Variants in CDK5 observed in about 807,000 individuals in gnomAD.
CDK5 encodes the protein cyclin-dependent kinase 5.
Under a neutral mutation model 44.6 loss-of-function variants are expected in CDK5, and 18 were observed. The observed-to-expected ratio is 0.40, with a 90% CI of 0.28 to 0.60. CDK5 has a LOEUF of 0.60. Ranked by LOEUF, CDK5 falls within the 20% of genes least tolerant of loss-of-function variation. The probability of loss-of-function intolerance (pLI) is 0.38; values close to 1 mark genes in which losing one functional copy is unlikely to be tolerated. For missense variants in CDK5, 198 were observed against 368.1 expected, an observed-to-expected ratio of 0.54 and a Z score of 3.78; for synonymous variants, 143 against 152.8, an observed-to-expected ratio of 0.94 and a Z score of 0.47.
Position 151,057,123 on chromosome 7 carries a change from C to T in CDK5, c.75G>A (p.Glu25=), listed in dbSNP as rs765078681. ...GTTTCAGAGCCACGATCTCATGAGT[C>T]TCCCGGTTTTTGGCCTTGAACACAG... The part of the protein sequence containing the change: ...YGTVFKAKNR[E]THEIVALKRV... Residue 25 remains glutamate, a synonymous_variant, in exon 2 of 12, where the codon GAG becomes GAA. Transcript: ENST00000485972. This position sits in a 1 kb window ranked among gnomAD's most constrained non-coding sequence, Gnocchi z 5.2. The T allele has an allele frequency of 8.7e-6, 14 of 1,613,888 alleles. No individual in the cohort carries two copies. The African/African-American group carries it at 1.6e-4, about 18-fold the overall frequency.
Position 151,054,525 on chromosome 7 carries a change from G to T in CDK5, c.651-60C>A. ...CCACAGCTGCATCTTCAGGGGCAGG[G>T]TGAGGGCCTCTTCCCCTCCTGGGGA... On this transcript the variant is annotated intron_variant, in intron 9 of 11. Transcript: ENST00000485972. This position sits in a 1 kb window ranked among gnomAD's most constrained non-coding sequence, Gnocchi z 5.7. 6.7e-7 allele frequency: 1 copy of T among 1,500,444 alleles called. No homozygotes were observed. The highest frequency in any genetic ancestry group is 9.2e-7 in the Non-Finnish European group (1 of 1,092,896). The allele number at this position is 1,500,444 out of a possible 1,614,324, so 92.9% of individuals were successfully genotyped here.
rs775198732 is a variant in CDK5, at chr7:151,053,959, G to C, written c.*50C>G. On this transcript the variant is annotated 3_prime_UTR_variant, in exon 12 of 12. Coordinates refer to ENST00000485972, the MANE Select transcript of CDK5 (RefSeq NM_004935.4). ...CCCCACTGTCTCACCCCTCTCAAGA[G>C]GGGGCTTAAATAGGCCAGGCCCCAG... 2 of 1,490,864 alleles carry C rather than the reference G, an allele frequency of 1.3e-6. No individual in the cohort carries two copies. Among genetic ancestry groups the C allele is most frequent in the African/African-American group, 1.4e-5 (1 of 72,064 alleles). 92.4% of individuals were successfully genotyped at this position (1,490,864 alleles called of 1,614,324 possible). A position where few individuals can be genotyped will look rare whatever the true frequency, so the allele number is the denominator to read the frequency against.
chr7:151,057,095 C>T lies in CDK5; in HGVS notation c.103G>A (p.Val35Met). ...ETHEIVALKR[V>M]RLDDDDEGVP... is the part of the protein sequence containing the mutation. ...ACCTCATCATCGTCATCCAGCCTCA[C>T]CCGTTTCAGAGCCACGATCTCATGA... Residue 35 changes from valine (V) to methionine (M), a missense_variant, in exon 2 of 12, where the codon GTG (valine) becomes ATG (methionine). By Grantham distance (21) the Val-to-Met change is conservative. Transcript: ENST00000485972. The surrounding 1 kb of genome is among the most constrained non-coding windows in gnomAD (Gnocchi z 5.2). 6.2e-7 allele frequency: 1 copy of T among 1,613,994 alleles called. No homozygotes were observed. The highest frequency in any genetic ancestry group is 8.5e-7 in the Non-Finnish European group (1 of 1,179,876).
At position 151,057,283 on chromosome 7, in the gene CDK5, T is replaced by C; in HGVS notation, c.38-123A>G. 1.2e-6 allele frequency: 1 copy of C among 818,408 alleles called. No homozygotes were observed. The highest frequency in any genetic ancestry group is 2.1e-6 in the Non-Finnish European group (1 of 468,184). 50.7% of individuals were successfully genotyped at this position (818,408 alleles called of 1,614,324 possible). On this transcript the variant is annotated intron_variant, in intron 1 of 11. Coordinates refer to ENST00000485972, the MANE Select transcript of CDK5 (RefSeq NM_004935.4). This position sits in a 1 kb window ranked among gnomAD's most constrained non-coding sequence, Gnocchi z 5.2. Reference sequence around the variant, plus strand: ...CAAGGGAAGGGATTCAGGGTGAAGGTAGGTTGGTGAGCTTTGTGAGTGAGG... The same window carrying C: ...CAAGGGAAGGGATTCAGGGTGAAGGCAGGTTGGTGAGCTTTGTGAGTGAGG...
rs923772177 is a variant in CDK5, at chr7:151,054,718, G to C, written c.651-253C>G. Among the ~76,000 whole-genome samples, 12 of 152,130 alleles carry C rather than the reference G, an allele frequency of 7.9e-5. No homozygotes were observed. Among genetic ancestry groups the C allele is most frequent in the Non-Finnish European group, 1.5e-4 (10 of 68,016 alleles). On this transcript the variant is annotated intron_variant, in intron 9 of 11. Coordinates refer to ENST00000485972, the MANE Select transcript of CDK5 (RefSeq NM_004935.4). The surrounding 1 kb of genome is among the most constrained non-coding windows in gnomAD (Gnocchi z 5.7). ...GTCCTAATGAAACAGTCCTTGCCCT[G>C]CTCCCACAAAATGTGTCCTGTTCTC...
Position 151,054,925 on chromosome 7 carries a change from C to A in CDK5, c.650+102G>T. ...GCCCTCAGGAGAAGCCCTACAGACC[C>A]CATCACCCTACCCCACACCATCACT... On this transcript the variant is annotated intron_variant, in intron 9 of 11. Transcript: ENST00000485972. The surrounding 1 kb of genome is among the most constrained non-coding windows in gnomAD (Gnocchi z 5.7). 8.5e-7 allele frequency: 1 copy of A among 1,171,564 alleles called. No homozygotes were observed. 72.6% of individuals were successfully genotyped at this position (1,171,564 alleles called of 1,614,324 possible). A position where few individuals can be genotyped will look rare whatever the true frequency, so the allele number is the denominator to read the frequency against.
At position 151,054,066 on chromosome 7, in the gene CDK5, A is replaced by G. The variant is rs1220125104; in HGVS notation, c.822T>C (p.Arg274=). ...GCTGCAGGGCCTCTTCTGCTGAGAT[A>G]CGCTGGACAGGGTTACACTTCAGAA... is the stretch of plus-strand genomic sequence containing the variant. ...QNLLKCNPVQ[R]ISAEEALQHP... is the part of the protein sequence containing the mutation. Residue 274 remains arginine (R), a synonymous_variant, in exon 12 of 12, where the codon CGT becomes CGC. Transcript: ENST00000485972. The surrounding 1 kb of genome is among the most constrained non-coding windows in gnomAD (Gnocchi z 5.7). The G allele has an allele frequency of 3.1e-6, 5 of 1,602,636 alleles. No homozygotes were observed. In the African/African-American group the frequency reaches 5.3e-5, roughly 17 times the overall value.
At position 151,057,556 on chromosome 7, in the gene CDK5, G is replaced by A. The variant is rs933265733; in HGVS notation, c.37+256C>T. 1 of 609,700 alleles carries A rather than the reference G, an allele frequency of 1.6e-6. No homozygotes were observed. Among genetic ancestry groups the A allele is most frequent in the Non-Finnish European group, 2.9e-6 (1 of 342,734 alleles). 37.8% of individuals were successfully genotyped at this position (609,700 alleles called of 1,614,324 possible). On this transcript the variant is annotated intron_variant, in intron 1 of 11. Transcript: ENST00000485972. The surrounding 1 kb of genome is among the most constrained non-coding windows in gnomAD (Gnocchi z 5.2). ...GTCCAAGTGCTGCTGAGGCTGGGGT[G>A]AGAAATTTCAGGAAGTGTCGCGGTT...
In CDK5 at chr7:151,056,192, A is replaced by C; in HGVS notation, c.313-344T>G. 1 of 503,014 alleles carries C rather than the reference A, an allele frequency of 2.0e-6. No individual in the cohort carries two copies. Among genetic ancestry groups the C allele is most frequent in the Non-Finnish European group, 3.6e-6 (1 of 279,770 alleles). The allele number at this position is 503,014 out of a possible 1,614,324, so 31.2% of individuals were successfully genotyped here. On this transcript the variant is annotated intron_variant, in intron 5 of 11. Transcript: ENST00000485972. This position sits in a 1 kb window ranked among gnomAD's most constrained non-coding sequence, Gnocchi z 4.7. ...GCACGCCGTGAACATCAACATAAAT[A>C]TCGTGCTGTAGTATCATTCAGGACT...
Position 151,057,534 on chromosome 7 carries a change from C to T in CDK5, c.37+278G>A. On this transcript the variant is annotated intron_variant, in intron 1 of 11. Transcript: ENST00000485972. This position sits in a 1 kb window ranked among gnomAD's most constrained non-coding sequence, Gnocchi z 5.2. The stretch of plus-strand genomic sequence containing the variant: ...GGCTGGGGGTCGGGGTGAGGTTGTC[C>T]AAGTGCTGCTGAGGCTGGGGTGAGA... 1 of 602,294 alleles carries T rather than the reference C, an allele frequency of 1.7e-6. No individual in the cohort carries two copies. Among genetic ancestry groups the T allele is most frequent in the South Asian group, 2.0e-5 (1 of 51,070 alleles). The allele number at this position is 602,294 out of a possible 1,614,324, so 37.3% of individuals were successfully genotyped here. A position where few individuals can be genotyped will look rare whatever the true frequency, so the allele number is the denominator to read the frequency against.
Position 151,057,681 on chromosome 7 carries a change from G to C in CDK5, c.37+131C>G. The C allele has an allele frequency of 1.0e-6, 1 of 970,882 alleles. No homozygotes were observed. The highest frequency in any genetic ancestry group is 1.6e-6 in the Non-Finnish European group (1 of 624,134). The allele number at this position is 970,882 out of a possible 1,614,324, so 60.1% of individuals were successfully genotyped here. The stretch of plus-strand genomic sequence containing the variant: ...GTGTCTGCACGGAGTGCTGAGCTAG[G>C]GGGCCAGGGCTGCAGCCGCTGCTGA... On this transcript the variant is annotated intron_variant, in intron 1 of 11. Coordinates refer to ENST00000485972, the MANE Select transcript of CDK5 (RefSeq NM_004935.4). The surrounding 1 kb of genome is among the most constrained non-coding windows in gnomAD (Gnocchi z 5.2).
rs62490285 is a variant in CDK5, at chr7:151,054,284, C to G, written c.720G>C (p.Pro240=). The change falls in exon 11 of 12, where the codon CCG becomes CCC. Residue 240 remains proline, a synonymous_variant. Transcript: ENST00000485972. This position sits in a 1 kb window ranked among gnomAD's most constrained non-coding sequence, Gnocchi z 5.7. ...MTKLPDYKPY[P]MYPATTSLVN... Reference sequence around the variant, plus strand: ...CCAGGGATGTTGTGGCCGGGTACATCGGATAGGGCTGTGGAGAGGCAGGGA... The same window carrying G: ...CCAGGGATGTTGTGGCCGGGTACATGGGATAGGGCTGTGGAGAGGCAGGGA... 1.9e-6 allele frequency: 3 copies of G among 1,613,636 alleles called. No homozygotes were observed. The highest frequency in any genetic ancestry group is 1.7e-5 in the Admixed American group (1 of 59,968).
At position 151,056,394 on chromosome 7, in the gene CDK5, A is replaced by G; in HGVS notation, c.312+186T>C. On this transcript the variant is annotated intron_variant, in intron 5 of 11. Coordinates refer to ENST00000485972, the MANE Select transcript of CDK5 (RefSeq NM_004935.4). The surrounding 1 kb of genome is among the most constrained non-coding windows in gnomAD (Gnocchi z 4.7). ...ACATCAGAATGACACTGTGCGGGTC[A>G]AAGATGACCACGTGAAAATGCTCAC... is the stretch of plus-strand genomic sequence containing the variant. The G allele has an allele frequency of 1.6e-6, 1 of 616,294 alleles. No individual in the cohort carries two copies. Among genetic ancestry groups the G allele is most frequent in the South Asian group, 1.9e-5 (1 of 51,668 alleles). 38.2% of individuals were successfully genotyped at this position (616,294 alleles called of 1,614,324 possible).
rs746463722 is a variant in CDK5 at position 151,057,197 on chromosome 7, G to A, written c.38-37C>T. 1.3e-5 allele frequency: 19 copies of A among 1,495,840 alleles called. No homozygotes were observed. Among genetic ancestry groups the A allele is most frequent in the Middle Eastern group, 3.4e-4 (2 of 5,888 alleles). 92.7% of individuals were successfully genotyped at this position (1,495,840 alleles called of 1,614,324 possible). On this transcript the variant is annotated intron_variant, in intron 1 of 11. Transcript: ENST00000485972. This position sits in a 1 kb window ranked among gnomAD's most constrained non-coding sequence, Gnocchi z 5.2. Reference sequence around the variant, plus strand: ...AGGTCAGGGGTCAGGGTGAGGATGCGGCACTCTTCCCTAAGCCAGGAAATG... The same window carrying A: ...AGGTCAGGGGTCAGGGTGAGGATGCAGCACTCTTCCCTAAGCCAGGAAATG...
chr7:151,055,170 G>A, intron 8 of CDK5, 74 bp from the exon 9 acceptor site: 1 of 1,568,414 alleles, frequency 6.4e-7, no homozygotes. Context: ...TGACCTTCCA[G>A]CTCCAGTCCC....
Position 151,053,994 on chromosome 7 carries a change from CG to C in CDK5, c.*14del. 1 of 1,571,696 alleles carries C rather than the reference CG, an allele frequency of 6.4e-7. No homozygotes were observed. The highest frequency in any genetic ancestry group is 8.6e-7 in the Non-Finnish European group (1 of 1,158,724). On this transcript the variant is annotated 3_prime_UTR_variant, in exon 12 of 12. Transcript: ENST00000485972. ...ATAGGCCAGGCCCCAGCCTGGAGGC[CG>C]GGGGTCCCGGGGCCTAGGGCGGACA...
Position 151,054,188 on chromosome 7 carries a change from C to T in CDK5, c.792+24G>A. 4 of 1,605,612 alleles carry T rather than the reference C, an allele frequency of 2.5e-6. No individual in the cohort carries two copies. The highest frequency in any genetic ancestry group is 1.7e-5 in the Admixed American group (1 of 58,718). On this transcript the variant is annotated intron_variant, in intron 11 of 11. Transcript: ENST00000485972. This position sits in a 1 kb window ranked among gnomAD's most constrained non-coding sequence, Gnocchi z 5.7. ...GTCCCACTGGGCAAGTGTCCTGACC[C>T]ACCCTCTACCCCTGGTCACCTACCT...
chr7:151,055,201 C>CA, intron 8 of CDK5, 76 bp downstream of exon 8: 1 of 1,559,408 alleles, frequency 6.4e-7, no homozygotes, highest in Non-Finnish European at 8.8e-7. Context: ...TCCCTTCCCC[C>CA]AGAGGGGACC....
At chr7:151,055,141 C>A in intron 8 of CDK5, 45 bp from the exon 9 acceptor site, 1 of 1,590,630 alleles carries the variant, frequency 6.3e-7, no homozygotes, top group South Asian at 1.1e-5. Context: ...TGAAGGACCC[C>A]TCACTCTGAG....
Sources: allele counts gnomAD v4.1 joint callset (sites outside exome capture counted in the v4.1 genomes callset), GRCh38; gene constraint gnomAD v4.1.1; non-coding constraint Gnocchi (gnomAD v3.1); transcripts MANE v1.5; gene names NCBI Gene and HGNC (gene_info 2026-07-23, HGNC 2026-07-21).